Variants in MITF observed in about 807,000 individuals in gnomAD.
The protein encoded by MITF is microphthalmia-associated transcription factor.
In MITF, 17 loss-of-function variants were observed where a neutral mutation model predicts 60.5. The observed-to-expected ratio is 0.28, with a 90% CI of 0.19 to 0.42. The LOEUF (loss-of-function observed/expected upper bound fraction) is 0.42. Ranked by LOEUF, MITF falls within the 10% of genes least tolerant of loss-of-function variation. MITF has a pLI of 1.00. For synonymous variants in MITF, 260 were observed against 248.5 expected (o/e 1.05, Z -0.43); for missense variants, 622 against 683.5 (o/e 0.91, Z 1.00).
chr3:69,772,135 G>A (rs188440630), intron 1 of MITF, among the ~76,000 whole-genome samples: 3 of 152,310 alleles, frequency 2.0e-5, no homozygotes, highest in African/African-American at 4.8e-5. Context: ...AAACATGAAA[G>A]AGCATAAACT....
At chr3:69,936,591 C>T (rs927649130) in intron 2 of MITF, 23 of 1,527,618 alleles carry the variant, frequency 1.5e-5, no homozygotes, top group Middle Eastern at 1.7e-4. Context: ...ATAAAGTTTC[C>T]GGTGGTGTCT....
At chr3:69,745,100 G>T (rs1306199131) in intron 1 of MITF, among the ~76,000 whole-genome samples, 1 of 152,094 alleles carries the variant, frequency 6.6e-6, no homozygotes, top group Non-Finnish European at 1.5e-5. Context: ...AAACAGTTAA[G>T]ACTTATCTAG....
chr3:69,788,335 T>C (rs574597406), intron 1 of MITF, among the ~76,000 whole-genome samples: 24 of 142,140 alleles, frequency 1.7e-4, no homozygotes, highest in Non-Finnish European at 3.5e-4. Context: ...CCTTCCTGTG[T>C]CCATGTGTTC....
At chr3:69,784,251 C>CT (rs1237145628) in intron 1 of MITF, among the ~76,000 whole-genome samples, 1 of 151,720 alleles carries the variant, frequency 6.6e-6, no homozygotes, top group Non-Finnish European at 1.5e-5. Flanking sequence ...ACTGTTTGTT[C>CT]TTTTTTCAGG....
At chr3:69,905,334 A>G (rs772373723) in intron 2 of MITF, among the ~76,000 whole-genome samples, 13 of 152,020 alleles carry the variant, frequency 8.6e-5, no homozygotes, top group Non-Finnish European at 1.3e-4. Flanking sequence ...TATATTGCCA[A>G]CTGTATTCTT....
intron 2 of MITF, among the ~76,000 whole-genome samples, chr3:69,895,286 C>T (rs191682727): frequency 8.5e-5 from 13 of 152,250 alleles, no homozygotes; most frequent in Admixed American, 8.5e-4. Flanking sequence ...CCAGTTTCTC[C>T]TTGAGGGTGG....
Position 69,951,803 on chromosome 3 carries a change from C to T in MITF, c.881-9C>T, listed in dbSNP as rs766938558. ...TTCCAACTTCTAATGACTTCATTCA[C>T]GTGCACAGCGTGTATTTTTCCCACA... On this transcript the variant is annotated splice_polypyrimidine_tract_variant and intron_variant, in intron 6 of 9. Transcript: ENST00000352241. 3.7e-5 allele frequency: 60 copies of T among 1,611,254 alleles called. No homozygotes were observed. The highest frequency in any genetic ancestry group is 1.6e-4 in the South Asian group (15 of 91,008).
intron 2 of MITF, among the ~76,000 whole-genome samples, chr3:69,905,484 C>G (rs568458195): frequency 6.6e-6 from 1 of 151,698 alleles, no homozygotes; most frequent in East Asian, 1.9e-4. Context: ...TTTCATTTCT[C>G]CTGGGTAAAT....
At chr3:69,873,396 G>A (rs1355707237) in intron 1 of MITF, among the ~76,000 whole-genome samples, 1 of 152,162 alleles carries the variant, frequency 6.6e-6, no homozygotes, top group African/African-American at 2.4e-5. Flanking sequence ...ACTCTTATTT[G>A]TGCAGTTGGT....
At chr3:69,788,820 C>G (rs1285828413) in intron 1 of MITF, among the ~76,000 whole-genome samples, 1 of 152,138 alleles carries the variant, frequency 6.6e-6, no homozygotes, top group East Asian at 1.9e-4. Flanking sequence ...TGATCTTTGA[C>G]AAGGGTGCCA....
At chr3:69,951,284 G>A (rs2066246671) in intron 6 of MITF, among the ~76,000 whole-genome samples, 2 of 151,364 alleles carry the variant, frequency 1.3e-5, no homozygotes, top group African/African-American at 4.9e-5. Flanking sequence ...TTTTTGTAAA[G>A]ACCAAGGCTG....
At chr3:69,940,882 T>C (rs1023988210) in intron 4 of MITF, among the ~76,000 whole-genome samples, 6 of 152,234 alleles carry the variant, frequency 3.9e-5, no homozygotes, top group African/African-American at 9.6e-5. Flanking sequence ...TTGGGCAAGC[T>C]GCTTCTCATT....
chr3:69,875,119 T>C, intron 1 of MITF, among the ~76,000 whole-genome samples: 1 of 152,182 alleles, frequency 6.6e-6, no homozygotes, highest in Admixed American at 6.5e-5. Flanking sequence ...AGAGGTCAAG[T>C]GGCTCATTAA....
intron 4 of MITF, among the ~76,000 whole-genome samples, chr3:69,939,402 C>G (rs544866813): frequency 6.6e-6 from 1 of 151,602 alleles, no homozygotes; most frequent in South Asian, 2.1e-4. Flanking sequence ...TAAGTTGCTG[C>G]AAAGATTAAA....
chr3:69,825,653 A>G (rs1234856046), intron 1 of MITF, among the ~76,000 whole-genome samples: 1 of 152,156 alleles, frequency 6.6e-6, no homozygotes, highest in East Asian at 1.9e-4. Flanking sequence ...TTTCTGTGTG[A>G]ATCCTGCAGC....
intron 3 of MITF, 87 bp downstream of exon 3, chr3:69,938,136 T>C (rs910392753): frequency 7.1e-7 from 1 of 1,411,920 alleles, no homozygotes; most frequent in Non-Finnish European, 9.9e-7. Flanking sequence ...CTGTGGACTC[T>C]AGTTTGTCCT....
intron 1 of MITF, among the ~76,000 whole-genome samples, chr3:69,869,091 G>A (rs1314127485): frequency 6.6e-6 from 1 of 152,148 alleles, no homozygotes; most frequent in Admixed American, 6.5e-5. Flanking sequence ...CAAATGGTTT[G>A]AATAAGGGTG....
chr3:69,760,528 G>A (rs756905244), intron 1 of MITF, among the ~76,000 whole-genome samples: 40 of 152,188 alleles, frequency 2.6e-4, no homozygotes, highest in Non-Finnish European at 5.0e-4. Context: ...GGAATTACAT[G>A]CAAATCAAGG....
chr3:69,812,184 T>C (rs1244069496), intron 1 of MITF, among the ~76,000 whole-genome samples: 1 of 152,060 alleles, frequency 6.6e-6, no homozygotes, highest in Non-Finnish European at 1.5e-5. Context: ...ATGAAGACAG[T>C]AAGTTATAGT....
Sources: allele counts gnomAD v4.1 joint callset (sites outside exome capture counted in the v4.1 genomes callset), GRCh38; gene constraint gnomAD v4.1.1; transcripts MANE v1.5; gene names NCBI Gene and HGNC (gene_info 2026-07-23, HGNC 2026-07-21).